TMEM38A: variants seen among roughly 807,000 people sequenced by gnomAD.
TMEM38A encodes the protein transmembrane protein 38A.
In TMEM38A, 17 loss-of-function variants were observed where a neutral mutation model predicts 28.6. That is an observed-to-expected ratio of 0.60 (90% confidence interval 0.41 to 0.89). The LOEUF (loss-of-function observed/expected upper bound fraction) is 0.89, where lower values mean the gene tolerates loss of function less well. Among genes scored for constraint, TMEM38A ranks in the 40% least tolerant of loss-of-function variants. TMEM38A has a pLI of 0.00. For synonymous variants in TMEM38A, 169 were observed against 166.1 expected (o/e 1.02, Z -0.14); for missense variants, 328 against 393.1 (o/e 0.83, Z 1.40).
intron 1 of TMEM38A, among the ~76,000 whole-genome samples, chr19:16,679,588 C>T (rs770587726): frequency 6.6e-6 from 1 of 152,062 alleles, no homozygotes; most frequent in African/African-American, 2.4e-5. Flanking sequence ...CCACCATGCC[C>T]GGCCCAGAGT....
At chr19:16,679,267 G>A (rs1240841561) in intron 1 of TMEM38A, among the ~76,000 whole-genome samples, 1 of 130,598 alleles carries the variant, frequency 7.7e-6, no homozygotes, top group Non-Finnish European at 1.5e-5. Context: ...GTGTGTGTGT[G>A]TGTGTGTGTG....
chr19:16,669,091 AAGTGTTGGGATTAC>A, intron 1 of TMEM38A, among the ~76,000 whole-genome samples: 1 of 151,928 alleles, frequency 6.6e-6, no homozygotes, highest in Middle Eastern at 3.4e-3. Flanking sequence ...TGGCCTCCCA[AAGTGTTGGGATTAC>A]AGGCGTGAGC....
intron 4 of TMEM38A, among the ~76,000 whole-genome samples, chr19:16,683,722 G>C (rs2086790579): frequency 6.6e-6 from 1 of 152,012 alleles, no homozygotes; most frequent in African/African-American, 2.4e-5. Flanking sequence ...TGTAATCCCA[G>C]CACTTTGGGA....
intron 4 of TMEM38A, among the ~76,000 whole-genome samples, chr19:16,683,699 G>A (rs945163438): frequency 1.3e-5 from 2 of 151,982 alleles, no homozygotes; most frequent in Non-Finnish European, 2.9e-5. Flanking sequence ...GGCTGGGCAC[G>A]GTGGCTCACG....
intron 1 of TMEM38A, among the ~76,000 whole-genome samples, chr19:16,673,999 A>G (rs1275953615): frequency 6.6e-6 from 1 of 151,980 alleles, no homozygotes; most frequent in Non-Finnish European, 1.5e-5. Context: ...GCTACTTGGA[A>G]GGCTCAAGCC....
chr19:16,664,254 AC>A (rs1342867285), intron 1 of TMEM38A, among the ~76,000 whole-genome samples: 7 of 126,690 alleles, frequency 5.5e-5, no homozygotes, highest in Admixed American at 3.5e-4. Context: ...CGTCTCCACT[AC>A]AAATGCAAAA....
At chr19:16,670,864 G>A (rs1325510360) in intron 1 of TMEM38A, among the ~76,000 whole-genome samples, 1 of 152,046 alleles carries the variant, frequency 6.6e-6, no homozygotes, top group Non-Finnish European at 1.5e-5. Context: ...ACTTGAACCC[G>A]GGAGGTGGAG....
At chr19:16,671,108 G>C (rs2086725376) in intron 1 of TMEM38A, among the ~76,000 whole-genome samples, 1 of 151,868 alleles carries the variant, frequency 6.6e-6, no homozygotes, top group African/African-American at 2.4e-5. Flanking sequence ...ATGTGTTCAT[G>C]GCATGCGGCA....
rs1051637441 is a variant in TMEM38A at position 16,688,898 on chromosome 19, C to A, written c.*527C>A. ...ATCCCAGCTACTCGGGAGGCTGAGG[C>A]AGGAGAATCACATGAATCCAGGAGG... On this transcript the variant is annotated 3_prime_UTR_variant, in exon 6 of 6. Transcript: ENST00000187762. The A allele has an allele frequency of 6.6e-6, 1 of 151,398 alleles. No homozygotes were observed. Among genetic ancestry groups the A allele is most frequent in the East Asian group, 1.9e-4 (1 of 5,134 alleles). 9.4% of individuals were successfully genotyped at this position (151,398 alleles called of 1,614,324 possible).
At position 16,686,336 on chromosome 19, in the gene TMEM38A, G is replaced by A; in HGVS notation, c.603G>A (p.Gln201=). ...LYGAILFTLQ[Q]TRWLPVSKAS... is the part of the protein sequence containing the mutation. ...GAGCCATCCTCTTCACCCTCCAGCAGACCCGCTGGCTCCCAGTGTCCAAAG... is the reference window on the plus strand; with the variant it reads ...GAGCCATCCTCTTCACCCTCCAGCAAACCCGCTGGCTCCCAGTGTCCAAAG... Residue 201 remains glutamine, a synonymous_variant, in exon 5 of 6, where the codon CAG becomes CAA. Coordinates refer to ENST00000187762, the MANE Select transcript of TMEM38A (RefSeq NM_024074.4). 6.2e-7 allele frequency: 1 copy of A among 1,613,614 alleles called. No individual in the cohort carries two copies.
chr19:16,680,856 G>A (rs950066278), intron 3 of TMEM38A: 1 of 439,346 alleles, frequency 2.3e-6, no homozygotes, highest in Non-Finnish European at 4.2e-6. Flanking sequence ...CAGCACTACT[G>A]ACATGTGGGG....
chr19:16,682,171 CCTTGCAGGTGGGGACATGACTGAT>C (rs2086784577), intron 3 of TMEM38A, among the ~76,000 whole-genome samples: 2 of 152,190 alleles, frequency 1.3e-5, no homozygotes, highest in South Asian at 4.2e-4. Context: ...TGAAGACCTG[CCTTGCAGGTGGGGACATGACTGAT>C]TCCTTTAGGT....
At chr19:16,676,176 C>T (rs2086750402) in intron 1 of TMEM38A, among the ~76,000 whole-genome samples, 1 of 134,018 alleles carries the variant, frequency 7.5e-6, no homozygotes, top group Non-Finnish European at 1.5e-5. Context: ...TTGGCTAACA[C>T]AGTGAAACCC....
intron 1 of TMEM38A, 70 bp from the exon 2 acceptor site, chr19:16,679,914 C>T: frequency 4.7e-6 from 7 of 1,494,698 alleles, no homozygotes; most frequent in Non-Finnish European, 6.3e-6. Flanking sequence ...ATAGGCTGAC[C>T]AGAGCATATG....
rs572021250 is a variant in TMEM38A, at chr19:16,673,126, G to T, written c.125-6858G>T. Among the ~76,000 whole-genome samples the T allele has an allele frequency of 4.6e-5, 7 of 152,160 alleles. No individual in the cohort carries two copies. In the East Asian group the frequency reaches 1.4e-3, roughly 29 times the overall value. On this transcript the variant is annotated intron_variant, in intron 1 of 5. Transcript: ENST00000187762. ...AGATGGAGCCTCCCTCTGTCGCCCA[G>T]GCTGGAGTGCAGTGGCGCAATCTTG... is the stretch of plus-strand genomic sequence containing the variant.
Position 16,662,616 on chromosome 19 carries a change from G to A in TMEM38A, c.124+1275G>A, listed in dbSNP as rs562833456. On this transcript the variant is annotated intron_variant, in intron 1 of 5. Transcript: ENST00000187762. ...CTACAGGCACCCGCCACTACACTTG[G>A]CTAATTTTTGTATTTTTAGTAGAGA... Among the ~76,000 whole-genome samples, 5 of 151,812 alleles carry A rather than the reference G, an allele frequency of 3.3e-5. No homozygotes were observed. In the South Asian group the frequency reaches 1.0e-3, roughly 32 times the overall value.
chr19:16,668,109 C>G (rs937377911), intron 1 of TMEM38A, among the ~76,000 whole-genome samples: 2 of 151,372 alleles, frequency 1.3e-5, no homozygotes, highest in Non-Finnish European at 2.9e-5. Context: ...CTTGGTAGGT[C>G]GAGGTGGGAG....
chr19:16,680,595 T>G lies in TMEM38A; in HGVS notation c.466+14T>G. ...GGTGGGTCAAAGGTAAATAGGATGA[T>G]GACAATGAAAAATCATCCCAGTGGA... On this transcript the variant is annotated intron_variant, in intron 3 of 5. Coordinates refer to ENST00000187762, the MANE Select transcript of TMEM38A (RefSeq NM_024074.4). 6.2e-7 allele frequency: 1 copy of G among 1,607,428 alleles called. No homozygotes were observed.
At position 16,688,207 on chromosome 19, in the gene TMEM38A, C is replaced by T. The variant is rs777182565; in HGVS notation, c.736C>T (p.Pro246Ser). 1.3e-6 allele frequency: 2 copies of T among 1,564,476 alleles called. No individual in the cohort carries two copies. Among genetic ancestry groups the T allele is most frequent in the Non-Finnish European group, 1.7e-6 (2 of 1,153,516 alleles). Residue 246 changes from proline to serine, a missense_variant, in exon 6 of 6, where the codon CCC becomes TCC. By Grantham distance (74) the Pro-to-Ser change is moderately conservative. Transcript: ENST00000187762. ...TGATGCCCTGGAGGGCTACATCTGCCCCGTGCTGTTTGGTTCGGCCTGCGG... is the reference window on the plus strand; with the variant it reads ...TGATGCCCTGGAGGGCTACATCTGCTCCGTGCTGTTTGGTTCGGCCTGCGG... ...PFDALEGYIC[P>S]VLFGSACGGD...
Sources: allele counts gnomAD v4.1 joint callset (sites outside exome capture counted in the v4.1 genomes callset), GRCh38; gene constraint gnomAD v4.1.1; transcripts MANE v1.5; gene names NCBI Gene and HGNC (gene_info 2026-07-23, HGNC 2026-07-21).